Variants in GALNT13 observed in about 807,000 individuals in gnomAD.
GALNT13 encodes UDP-GalNAc:polypeptide N-acetylgalactosaminyltransferase 13.
Under a neutral mutation model 64.2 loss-of-function variants are expected in GALNT13, and 28 were observed. The ratio of observed to expected loss-of-function variants is 0.44; its 90% CI spans 0.32 to 0.60. GALNT13 has a LOEUF of 0.60. GALNT13 is among the 20% of genes least tolerant of loss of function. The pLI, the probability that GALNT13 is intolerant of heterozygous loss-of-function variation, is 0.05. For synonymous variants in GALNT13, 214 were observed against 224.6 expected (o/e 0.95, Z 0.42); for missense variants, 577 against 669.8 (o/e 0.86, Z 1.53).
At chr2:154,334,331 G>A (rs1006066587) in intron 9 of GALNT13, among the ~76,000 whole-genome samples, 1 of 151,882 alleles carries the variant, frequency 6.6e-6, no homozygotes, top group African/African-American at 2.4e-5. Context: ...TCGACACCCT[G>A]TAAATTCATT....
chr2:153,495,504 G>T, the GALNT13 span, among the ~76,000 whole-genome samples: 3 of 151,972 alleles, frequency 2.0e-5, no homozygotes, highest in Admixed American at 6.6e-5. Flanking sequence ...TTGCAATAAA[G>T]ACATAAATGT....
rs367986093 is a variant in GALNT13 at position 154,058,651 on chromosome 2, G to A, written c.143-81686G>A. ...ATTCTAGGCAGTGAGAACAGCCAGG[G>A]TCCTGGCCCTAGGGTGGCATCATGT... On this transcript the variant is annotated intron_variant, in intron 3 of 12. Coordinates refer to ENST00000392825, the MANE Select transcript of GALNT13 (RefSeq NM_052917.4). Among the ~76,000 whole-genome samples the A allele has an allele frequency of 2.3e-4, 35 of 152,274 alleles. 1 individual carries two copies. In the East Asian group the frequency reaches 6.2e-3, roughly 27 times the overall value.
chr2:153,696,434 A>T, the GALNT13 span, among the ~76,000 whole-genome samples: 1 of 152,142 alleles, frequency 6.6e-6, no homozygotes, highest in Non-Finnish European at 1.5e-5. Flanking sequence ...TCCTTTGGTA[A>T]CACCCTCACA....
At chr2:154,198,577 G>T (rs543299552) in intron 4 of GALNT13, among the ~76,000 whole-genome samples, 1 of 151,844 alleles carries the variant, frequency 6.6e-6, no homozygotes, top group African/African-American at 2.4e-5. Context: ...GAAAATGATT[G>T]TAACTTCTTT....
chr2:153,478,172 G>A, the GALNT13 span: 9 of 1,330,970 alleles, frequency 6.8e-6, no homozygotes, highest in Non-Finnish European at 9.4e-6. Context: ...TGATAGTGAG[G>A]GGCACAGCCG....
At chr2:153,445,837 G>A in the GALNT13 span, among the ~76,000 whole-genome samples, 2 of 152,000 alleles carry the variant, frequency 1.3e-5, no homozygotes, top group Non-Finnish European at 2.9e-5. Context: ...TTATAGTCAG[G>A]AAAAATGTCA....
At chr2:153,500,151 T>C in the GALNT13 span, among the ~76,000 whole-genome samples, 1 of 152,136 alleles carries the variant, frequency 6.6e-6, no homozygotes, top group Admixed American at 6.5e-5. Flanking sequence ...TGCTTCATAA[T>C]GACAGGGGGC....
At chr2:154,075,667 A>G (rs895080733) in intron 3 of GALNT13, among the ~76,000 whole-genome samples, 19 of 151,798 alleles carry the variant, frequency 1.3e-4, no homozygotes, top group Admixed American at 4.6e-4. Context: ...GAACTATTAA[A>G]ATGTACCTCT....
At chr2:154,363,525 A>G (rs1294232855) in intron 9 of GALNT13, among the ~76,000 whole-genome samples, 2 of 152,098 alleles carry the variant, frequency 1.3e-5, no homozygotes, top group Non-Finnish European at 2.9e-5. Flanking sequence ...TGTTCTGCAC[A>G]CTCTGACCCA....
the GALNT13 span, among the ~76,000 whole-genome samples, chr2:153,216,358 T>A: frequency 1.3e-5 from 2 of 152,088 alleles, no homozygotes. Context: ...AAGTAGTATA[T>A]GGTTATTGTA....
chr2:154,447,676 G>C (rs1559160642), intron 12 of GALNT13, among the ~76,000 whole-genome samples: 1 of 151,924 alleles, frequency 6.6e-6, no homozygotes, highest in Non-Finnish European at 1.5e-5. Flanking sequence ...TTGGAACAAG[G>C]CTAGAAATGA....
chr2:154,348,086 A>C (rs545193776), intron 9 of GALNT13, among the ~76,000 whole-genome samples: 1 of 152,306 alleles, frequency 6.6e-6, no homozygotes, highest in East Asian at 1.9e-4. Flanking sequence ...GATTGACTGT[A>C]ATTCTATAGC....
chr2:153,860,119 C>T, the GALNT13 span, among the ~76,000 whole-genome samples: 1 of 152,112 alleles, frequency 6.6e-6, no homozygotes, highest in African/African-American at 2.4e-5. Flanking sequence ...AAGTTACTTT[C>T]AAATACATGA....
chr2:153,725,199 C>T, the GALNT13 span, among the ~76,000 whole-genome samples: 151 of 145,578 alleles, frequency 1.0e-3, no homozygotes, highest in Non-Finnish European at 1.7e-3. Context: ...AGTAAACTAT[C>T]GCAAGAACAA....
the GALNT13 span, among the ~76,000 whole-genome samples, chr2:153,080,415 A>G: frequency 1.3e-5 from 2 of 152,092 alleles, no homozygotes; most frequent in Non-Finnish European, 2.9e-5. Context: ...ATTTGGTTTC[A>G]TAGTTCTCCT....
In GALNT13 at chr2:153,907,471, G is replaced by A. The variant is rs1688654353; in HGVS notation, c.-105+6464G>A. On this transcript the variant is annotated intron_variant, in intron 2 of 12. Coordinates refer to ENST00000392825, the MANE Select transcript of GALNT13 (RefSeq NM_052917.4). ...TTATGTAGGTAAACTTGTGTCATGG[G>A]GGTTTGTTGTACAGATTATTTTGTC... Among the ~76,000 whole-genome samples, 3 of 151,702 alleles carry A rather than the reference G, an allele frequency of 2.0e-5. No homozygotes were observed. In the South Asian group the frequency reaches 6.2e-4, roughly 31 times the overall value.
chr2:154,153,812 C>T (rs922578564), intron 4 of GALNT13, among the ~76,000 whole-genome samples: 54 of 152,302 alleles, frequency 3.5e-4, no homozygotes, highest in Middle Eastern at 6.8e-3. Flanking sequence ...GGGAGTGACC[C>T]GATTTTCCAG....
At chr2:153,189,011 C>T in the GALNT13 span, among the ~76,000 whole-genome samples, 1 of 152,110 alleles carries the variant, frequency 6.6e-6, no homozygotes, top group African/African-American at 2.4e-5. Flanking sequence ...GAAATGTACT[C>T]TTCATTGCTG....
chr2:153,825,613 TG>T, the GALNT13 span, among the ~76,000 whole-genome samples: 8 of 132,088 alleles, frequency 6.1e-5, no homozygotes, highest in Admixed American at 3.0e-4. Flanking sequence ...GAGTGCTGTG[TG>T]TGTGTGTGTG....
Sources: gnomAD v4.1 joint callset for allele counts (sites outside exome capture counted in the v4.1 genomes callset) on GRCh38, gnomAD v4.1.1 for gene constraint, MANE v1.5 for transcripts, NCBI Gene and HGNC (gene_info 2026-07-23, HGNC 2026-07-21) for gene names.